Variants in DCUN1D3 observed in about 807,000 individuals in gnomAD.
DCUN1D3 encodes the protein DCN1-like protein 3.
Under a neutral mutation model 24.8 loss-of-function variants are expected in DCUN1D3, and 6 were observed. The observed-to-expected ratio is 0.24, with a 90% confidence interval of 0.13 to 0.48. The LOEUF is 0.48. Ranked by LOEUF, DCUN1D3 falls within the 20% of genes least tolerant of loss-of-function variation. The pLI is 0.99. For synonymous variants in DCUN1D3, 120 were observed against 144.9 expected (o/e 0.83, Z 1.24); for missense variants, 258 against 379.4 (o/e 0.68, Z 2.66).
chr16:20,872,881 G>T lies in DCUN1D3; in HGVS notation c.-105-10238C>A, dbSNP rs1384680681. ...GCCTGCAATCCCAGCACTTTGGGAG[G>T]CCAAGGCAGGTGGATCACGAGGTCA... On this transcript the variant is annotated intron_variant, in intron 1 of 2. Transcript: ENST00000324344. Among the ~76,000 whole-genome samples, 3 of 152,212 alleles carry T rather than the reference G, an allele frequency of 2.0e-5. No homozygotes were observed. The East Asian group carries it at 5.8e-4, about 29-fold the overall frequency.
chr16:20,898,928 CCTT>C, intron 1 of DCUN1D3, among the ~76,000 whole-genome samples: 1 of 152,258 alleles, frequency 6.6e-6, no homozygotes, highest in South Asian at 2.1e-4. Context: ...AACAAAGAGG[CCTT>C]CTTTCCATTC....
intron 1 of DCUN1D3, among the ~76,000 whole-genome samples, chr16:20,899,206 G>A (rs1464952918): frequency 2.0e-5 from 3 of 152,242 alleles, no homozygotes; most frequent in Non-Finnish European, 1.5e-5. Context: ...CATGAAAAGT[G>A]GGTGGAGAGA....
At chr16:20,889,127 C>A (rs1423239421) in intron 1 of DCUN1D3, among the ~76,000 whole-genome samples, 1 of 151,466 alleles carries the variant, frequency 6.6e-6, no homozygotes, top group Non-Finnish European at 1.5e-5. Context: ...ACTTGGGAGG[C>A]TGAGGCAGAA....
At position 20,862,429 on chromosome 16, in the gene DCUN1D3, C is replaced by T. The variant is rs1245399298; in HGVS notation, c.110G>A (p.Arg37His). 11 of 1,613,724 alleles carry T rather than the reference C, an allele frequency of 6.8e-6. No individual in the cohort carries two copies. Among genetic ancestry groups the T allele is most frequent in the Admixed American group, 6.7e-5 (4 of 60,008 alleles). The change falls in exon 2 of 3, where the codon CGT becomes CAT. Residue 37 changes from arginine (R) to histidine (H), a missense_variant. Coordinates refer to ENST00000324344, the MANE Select transcript of DCUN1D3 (RefSeq NM_173475.4). Reference protein sequence around the residue: ...KSHSRRGAGHREEQVPPCGKP... With the variant: ...KSHSRRGAGHHEEQVPPCGKP... ...GCCACAGGGTGGTACCTGCTCCTCACGGTGGCCTGCACCCCTCCTGCTATG... is the reference window on the plus strand; with the variant it reads ...GCCACAGGGTGGTACCTGCTCCTCATGGTGGCCTGCACCCCTCCTGCTATG...
In DCUN1D3 at chr16:20,892,763, A is replaced by G. The variant is rs75346429; in HGVS notation, c.-106+7441T>C. 5.9e-5 allele frequency among the ~76,000 whole-genome samples: 9 copies of G among 151,798 alleles called. No individual in the cohort carries two copies. The South Asian group carries it at 8.3e-4, about 14-fold the overall frequency. On this transcript the variant is annotated intron_variant, in intron 1 of 2. Transcript: ENST00000324344. ...CCATTTTGGGGTTGGTTTGGGGGGG[A>G]AAAAAAGAAAACTTACAGGGATAAT...
intron 1 of DCUN1D3, among the ~76,000 whole-genome samples, chr16:20,889,878 C>T (rs1054537747): frequency 1.3e-5 from 2 of 152,148 alleles, no homozygotes; most frequent in Non-Finnish European, 2.9e-5. Context: ...ACCTCAAAGC[C>T]CTACTTTCTG....
chr16:20,873,130 A>C (rs1006818280), intron 1 of DCUN1D3, among the ~76,000 whole-genome samples: 2 of 152,130 alleles, frequency 1.3e-5, no homozygotes, highest in East Asian at 3.8e-4. Flanking sequence ...CAAAAAAAAA[A>C]AAAAAAACAA....
At chr16:20,875,434 T>G (rs963690861) in intron 1 of DCUN1D3, among the ~76,000 whole-genome samples, 1 of 152,204 alleles carries the variant, frequency 6.6e-6, no homozygotes, top group Non-Finnish European at 1.5e-5. Flanking sequence ...GGAGGGAAAG[T>G]ACATGCATTG....
At position 20,855,860 on chromosome 16, in the gene DCUN1D3, A is replaced by G. The variant is rs1202241020; in HGVS notation, c.*4026T>C. 6.6e-6 allele frequency: 1 copy of G among 152,230 alleles called. No homozygotes were observed. Among genetic ancestry groups the G allele is most frequent in the South Asian group, 2.1e-4 (1 of 4,830 alleles). The allele number at this position is 152,230 out of a possible 1,614,324, so 9.4% of individuals were successfully genotyped here. On this transcript the variant is annotated 3_prime_UTR_variant, in exon 3 of 3. Transcript: ENST00000324344. The stretch of plus-strand genomic sequence containing the variant: ...ATTAACACAATTCAACAACCTTAAT[A>G]GTCCTTTCAGTCGTTTAAACAAGAT...
chr16:20,873,722 T>G (rs1245701166), intron 1 of DCUN1D3, among the ~76,000 whole-genome samples: 1 of 152,174 alleles, frequency 6.6e-6, no homozygotes, highest in Non-Finnish European at 1.5e-5. Flanking sequence ...CCCCTGGCTT[T>G]AATGACTGGA....
At chr16:20,876,794 T>C (rs1429338322) in intron 1 of DCUN1D3, among the ~76,000 whole-genome samples, 1 of 152,182 alleles carries the variant, frequency 6.6e-6, no homozygotes, top group Non-Finnish European at 1.5e-5. Flanking sequence ...AACCCTGTCA[T>C]AGGCAACACG....
Position 20,859,660 on chromosome 16 carries a change from A to G in DCUN1D3, c.*226T>C. 2.0e-6 allele frequency: 1 copy of G among 501,336 alleles called. No homozygotes were observed. The highest frequency in any genetic ancestry group is 3.4e-6 in the Non-Finnish European group (1 of 297,188). The allele number at this position is 501,336 out of a possible 1,614,324, so 31.1% of individuals were successfully genotyped here. On this transcript the variant is annotated 3_prime_UTR_variant, in exon 3 of 3. Coordinates refer to ENST00000324344, the MANE Select transcript of DCUN1D3 (RefSeq NM_173475.4). ...GATACACAACATGTAACCAGGTTCA[A>G]ATATTCTGGGAGATCCCCCCAAAAA... is the stretch of plus-strand genomic sequence containing the variant.
In DCUN1D3 at chr16:20,860,123, G is replaced by A; in HGVS notation, c.678C>T (p.Asn226=). Residue 226 remains asparagine (N), a synonymous_variant, in exon 3 of 3, where the codon AAC becomes AAT. Coordinates refer to ENST00000324344, the MANE Select transcript of DCUN1D3 (RefSeq NM_173475.4). This position sits in a 1 kb window ranked among gnomAD's most constrained non-coding sequence, Gnocchi z 4.3. ...NNPPVLDQWL[N]FLTENPSGIK... ...TCCCCGAGGGGTTCTCTGTTAGGAA[G>A]TTTAGCCATTGGTCCAATACCGGAG... 6.2e-7 allele frequency: 1 copy of A among 1,614,248 alleles called. No homozygotes were observed.
chr16:20,894,679 T>C (rs1596642170), intron 1 of DCUN1D3, among the ~76,000 whole-genome samples: 1 of 152,220 alleles, frequency 6.6e-6, no homozygotes, highest in Non-Finnish European at 1.5e-5. Flanking sequence ...GTCATTGACA[T>C]GTCTGCCTTT....
chr16:20,891,363 T>C (rs982237201), intron 1 of DCUN1D3, among the ~76,000 whole-genome samples: 1 of 151,868 alleles, frequency 6.6e-6, no homozygotes, highest in Admixed American at 6.6e-5. Context: ...GCAATTGACA[T>C]GTAACTGTTC....
rs552106671 is a variant in DCUN1D3 at position 20,856,455 on chromosome 16, A to G, written c.*3431T>C. 6.6e-6 allele frequency: 1 copy of G among 152,368 alleles called. No individual in the cohort carries two copies. Among genetic ancestry groups the G allele is most frequent in the East Asian group, 1.9e-4 (1 of 5,192 alleles). The allele number at this position is 152,368 out of a possible 1,614,324, so 9.4% of individuals were successfully genotyped here. On this transcript the variant is annotated 3_prime_UTR_variant, in exon 3 of 3. Transcript: ENST00000324344. ...GCTTAATCCTTTCTCCCTTTCCAAA[A>G]AGACTAGTTTGTGCTTTCCTTGGGG...
chr16:20,881,128 T>C (rs2081841581), intron 1 of DCUN1D3, among the ~76,000 whole-genome samples: 1 of 152,312 alleles, frequency 6.6e-6, no homozygotes, highest in Admixed American at 6.5e-5. Flanking sequence ...TTTTATATCC[T>C]TACCCAATGC....
chr16:20,867,967 T>C (rs1370639139), intron 1 of DCUN1D3, among the ~76,000 whole-genome samples: 1 of 152,170 alleles, frequency 6.6e-6, no homozygotes, highest in African/African-American at 2.4e-5. Context: ...TCAAGCTGAG[T>C]ATCTGCTGTG....
intron 1 of DCUN1D3, among the ~76,000 whole-genome samples, chr16:20,869,175 G>C (rs2081776785): frequency 6.6e-6 from 1 of 152,244 alleles, no homozygotes; most frequent in Admixed American, 6.5e-5. Flanking sequence ...GAGGGATCAG[G>C]AAGTTGTTCC....
Sources: gnomAD v4.1 joint callset for allele counts (sites outside exome capture counted in the v4.1 genomes callset) on GRCh38, gnomAD v4.1.1 for gene constraint, Gnocchi (gnomAD v3.1) non-coding constraint, MANE v1.5 for transcripts, NCBI Gene and HGNC (gene_info 2026-07-23, HGNC 2026-07-21) for gene names.